GNA14: variants seen among roughly 807,000 people sequenced by gnomAD.
GNA14 encodes G protein subunit alpha 14, also known as guanine nucleotide-binding protein subunit alpha-14.
Under a neutral mutation model 42.0 loss-of-function variants are expected in GNA14, and 50 were observed. The ratio of observed to expected loss-of-function variants is 1.19; its 90% CI spans 0.95 to 1.51. The LOEUF is 1.51. GNA14 is among the 40% of genes most tolerant of loss of function. The probability of loss-of-function intolerance (pLI) is 0.00; values close to 1 mark genes in which losing one functional copy is unlikely to be tolerated. For missense variants in GNA14, 473 were observed against 446.2 expected, an observed-to-expected ratio of 1.06 and a Z score of -0.54; for synonymous variants, 173 against 163.1, an observed-to-expected ratio of 1.06 and a Z score of -0.46.
At chr9:77,474,881 A>T (rs1472142594) in intron 2 of GNA14, among the ~76,000 whole-genome samples, 1 of 152,102 alleles carries the variant, frequency 6.6e-6, no homozygotes, top group Non-Finnish European at 1.5e-5. Flanking sequence ...ATGCTAAGTG[A>T]AAAAATCCAG....
chr9:77,463,159 G>A (rs578122211), intron 2 of GNA14, among the ~76,000 whole-genome samples: 1 of 152,302 alleles, frequency 6.6e-6, no homozygotes, highest in African/African-American at 2.4e-5. Context: ...TTGGATTTCA[G>A]AGCAAAAGTG....
chr9:77,509,040 T>G (rs971781538), intron 2 of GNA14, among the ~76,000 whole-genome samples: 35 of 152,098 alleles, frequency 2.3e-4, no homozygotes, highest in African/African-American at 7.5e-4. Flanking sequence ...CCACCATCCC[T>G]CTCCAGAACT....
chr9:77,572,603 A>G (rs1177542025), intron 1 of GNA14, among the ~76,000 whole-genome samples: 1 of 141,266 alleles, frequency 7.1e-6, no homozygotes, highest in East Asian at 2.3e-4. Flanking sequence ...ACAATCTGCA[A>G]TTAGAAACTA....
At chr9:77,550,128 T>C (rs562107884) in intron 1 of GNA14, among the ~76,000 whole-genome samples, 131 of 151,980 alleles carry the variant, frequency 8.6e-4, no homozygotes, top group Non-Finnish European at 1.6e-3. Context: ...CAGCCAGGGG[T>C]TTCCATTGGT....
intron 2 of GNA14, among the ~76,000 whole-genome samples, chr9:77,499,891 A>C (rs1836937649): frequency 6.6e-6 from 1 of 152,084 alleles, no homozygotes; most frequent in African/African-American, 2.4e-5. Context: ...AAAAACAGTA[A>C]AATGAATACC....
At chr9:77,618,421 C>T (rs1168793949) in intron 1 of GNA14, among the ~76,000 whole-genome samples, 1 of 151,304 alleles carries the variant, frequency 6.6e-6, no homozygotes, top group Non-Finnish European at 1.5e-5. Flanking sequence ...GCTATGGTCT[C>T]ATTTTACAGT....
rs527352614 is a variant in GNA14, at chr9:77,594,146, A to C, written c.124+53524T>G. Among the ~76,000 whole-genome samples the C allele has an allele frequency of 2.0e-5, 3 of 152,332 alleles. No homozygotes were observed. The South Asian group carries it at 6.2e-4, about 32-fold the overall frequency. On this transcript the variant is annotated intron_variant, in intron 1 of 6. Transcript: ENST00000341700. ...CAGAGTGAATAAATTGAAAACAGTT[A>C]CAGGGATAAGGAAATAAGTCAGCAG...
At chr9:77,544,238 G>A (rs577060913) in intron 1 of GNA14, among the ~76,000 whole-genome samples, 1 of 152,190 alleles carries the variant, frequency 6.6e-6, no homozygotes, top group South Asian at 2.1e-4. Context: ...AGAATCAAAT[G>A]CTTATTAGGG....
intron 2 of GNA14, among the ~76,000 whole-genome samples, chr9:77,515,566 T>C (rs1837240941): frequency 6.6e-6 from 1 of 152,162 alleles, no homozygotes. Context: ...TCTAATGGTG[T>C]TCATCTGGAA....
intron 2 of GNA14, among the ~76,000 whole-genome samples, chr9:77,459,248 G>GA (rs11315541): frequency 3.3e-5 from 4 of 122,696 alleles, no homozygotes; most frequent in African/African-American, 9.0e-5. Context: ...GGAAAAAAAA[G>GA]AAAAAAAAGA....
chr9:77,576,876 A>G (rs1227067347), intron 1 of GNA14, among the ~76,000 whole-genome samples: 1 of 152,198 alleles, frequency 6.6e-6, no homozygotes, highest in African/African-American at 2.4e-5. Flanking sequence ...ATGACATACG[A>G]CATTATGAAA....
intron 1 of GNA14, among the ~76,000 whole-genome samples, chr9:77,614,893 A>G (rs1823786235): frequency 6.6e-6 from 1 of 152,242 alleles, no homozygotes; most frequent in African/African-American, 2.4e-5. Flanking sequence ...CAGGGGTGGT[A>G]GATTGCAAAT....
chr9:77,562,366 T>C (rs1222564253), intron 1 of GNA14, among the ~76,000 whole-genome samples: 1 of 152,072 alleles, frequency 6.6e-6, no homozygotes. Flanking sequence ...GGAGGGTATT[T>C]GGAGAACACT....
intron 2 of GNA14, among the ~76,000 whole-genome samples, chr9:77,493,003 G>GA (rs56355394): frequency 2.0e-3 from 78 of 39,796 alleles, no homozygotes; most frequent in Admixed American, 3.0e-3. Flanking sequence ...TCCGTCTCAG[G>GA]AAAAAAAAAA....
At chr9:77,502,025 A>G (rs1836984464) in intron 2 of GNA14, among the ~76,000 whole-genome samples, 1 of 151,954 alleles carries the variant, frequency 6.6e-6, no homozygotes, top group Admixed American at 6.6e-5. Flanking sequence ...ATAATTTCTA[A>G]TCTGTCTTCC....
At chr9:77,461,284 C>T (rs1263411312) in intron 2 of GNA14, among the ~76,000 whole-genome samples, 1 of 152,184 alleles carries the variant, frequency 6.6e-6, no homozygotes, top group African/African-American at 2.4e-5. Flanking sequence ...AGAATCTCGG[C>T]TCCCACCCCA....
At chr9:77,586,585 G>A (rs1379403617) in intron 1 of GNA14, among the ~76,000 whole-genome samples, 1 of 152,206 alleles carries the variant, frequency 6.6e-6, no homozygotes, top group Non-Finnish European at 1.5e-5. Context: ...GCGAAAGAAA[G>A]AGAACAGCTC....
intron 3 of GNA14, among the ~76,000 whole-genome samples, chr9:77,432,071 A>AT (rs1179652189): frequency 1.4e-5 from 2 of 145,626 alleles, no homozygotes; most frequent in African/African-American, 5.3e-5. Flanking sequence ...AGCTTAAAAC[A>AT]TATTTTTTTT....
In GNA14 at chr9:77,564,309, A is replaced by AAC. The variant is rs200930811; in HGVS notation, c.125-35057_125-35056insGT. Among the ~76,000 whole-genome samples, 531 of 111,088 alleles carry AAC rather than the reference A, an allele frequency of 4.8e-3. 4 individuals carry two copies. The highest frequency in any genetic ancestry group is 0.015 in the African/African-American group (510 of 33,978). The allele number at this position is 111,088 out of a possible 152,430, so 72.9% of individuals were successfully genotyped here. A position where few individuals can be genotyped will look rare whatever the true frequency, so the allele number is the denominator to read the frequency against. ...GGCAGCACAATTTAAAAAAAAAAAAAAAAAACTTATTTTTAAGAGACAAGG... is the reference window on the plus strand; with the variant it reads ...GGCAGCACAATTTAAAAAAAAAAAAAACAAAAACTTATTTTTAAGAGACAAGG... On this transcript the variant is annotated intron_variant, in intron 1 of 6. Coordinates refer to ENST00000341700, the MANE Select transcript of GNA14 (RefSeq NM_004297.4).
Sources: gnomAD v4.1 joint callset for allele counts (sites outside exome capture counted in the v4.1 genomes callset) on GRCh38, gnomAD v4.1.1 for gene constraint, MANE v1.5 for transcripts, NCBI Gene and HGNC (gene_info 2026-07-23, HGNC 2026-07-21) for gene names.